The following SYCE1 variants were observed in gnomAD, a reference collection of about 807,000 sequenced individuals.
The protein encoded by SYCE1 is synaptonemal complex central element protein 1.
In SYCE1, 37 loss-of-function variants were observed where a neutral mutation model predicts 55.1. The ratio of observed to expected loss-of-function variants is 0.67; its 90% CI spans 0.52 to 0.88. The LOEUF is 0.88. SYCE1 is among the 40% of genes least tolerant of loss of function. The pLI is 0.00. For missense variants in SYCE1, 399 were observed against 416.4 expected, an observed-to-expected ratio of 0.96 and a Z score of 0.36; for synonymous variants, 163 against 159.4, an observed-to-expected ratio of 1.02 and a Z score of -0.17.
At chr10:133,568,183 C>T (rs1278727257), upstream of SYCE1, 5 of 1,036,342 alleles carry the variant, frequency 4.8e-6, no homozygotes, top group African/African-American at 3.0e-5. Context: ...CCGAAGTCCA[C>T]GTACAGTAGC....
Position 133,557,912 on chromosome 10 carries a change from A to AG in SYCE1, c.325dup (p.Leu109ProfsTer14). On this transcript the variant is annotated frameshift_variant, in exon 6 of 13. Coordinates refer to ENST00000343131, the MANE Select transcript of SYCE1 (RefSeq NM_001143764.3). LOFTEE classifies it high-confidence loss of function. ...CTGGCAATGCAGCCGGAGGATCCTC[A>AG]GGGTCTCTGTAGGGAGAGCAACAGG... 1 of 1,614,050 alleles carries AG rather than the reference A, an allele frequency of 6.2e-7. No individual in the cohort carries two copies. Among genetic ancestry groups the AG allele is most frequent in the South Asian group, 1.1e-5 (1 of 91,080 alleles).
intron 8 of SYCE1, 51 bp from the exon 9 acceptor site, chr10:133,556,098 C>G (rs774389763): frequency 5.6e-6 from 9 of 1,598,476 alleles, no homozygotes; most frequent in Non-Finnish European, 6.0e-6. Context: ...TCCCCCATGC[C>G]TCAAAGAAGG....
At position 133,555,380 on chromosome 10, in the gene SYCE1, G is replaced by T. The variant is rs745543380; in HGVS notation, c.889C>A (p.Gln297Lys). Reference protein sequence around the residue: ...MQVPAQAQSTQEEEAGPGDVA... With the variant: ...MQVPAQAQSTKEEEAGPGDVA... ...TCTCCTGGGCCAGCCTCTTCCTCTT[G>T]TGTGCTCTGGGCTTGGGCAGGGACT... Residue 297 changes from glutamine to lysine, a missense_variant, in exon 12 of 13, where the codon CAA becomes AAA. Physicochemically the swap from Gln to Lys is moderately conservative, Grantham distance 53. Transcript: ENST00000343131. 6.2e-7 allele frequency: 1 copy of T among 1,614,054 alleles called. No homozygotes were observed. Among genetic ancestry groups the T allele is most frequent in the South Asian group, 1.1e-5 (1 of 91,078 alleles).
chr10:133,557,257 T>A, intron 6 of SYCE1, 101 bp from the exon 7 acceptor site: 1 of 902,386 alleles, frequency 1.1e-6, no homozygotes, highest in Non-Finnish European at 1.8e-6. Flanking sequence ...TTTTTCCCTC[T>A]ACATTAAGGT....
chr10:133,555,144 T>G lies in SYCE1; in HGVS notation c.919-15A>C, dbSNP rs1482326620. On this transcript the variant is annotated splice_polypyrimidine_tract_variant and intron_variant, in intron 12 of 12. Transcript: ENST00000343131. ...TTGGGACTGGCCTGCAGGAGGTTAG[T>G]GTCCAGGGTGGGAATTTACACCCAT... The G allele has an allele frequency of 3.2e-6, 5 of 1,542,034 alleles. No individual in the cohort carries two copies. Among genetic ancestry groups the G allele is most frequent in the Non-Finnish European group, 4.4e-6 (5 of 1,143,444 alleles).
At chr10:133,555,273 C>A in intron 12 of SYCE1, 78 bp downstream of exon 12, 2 of 1,596,182 alleles carry the variant, frequency 1.3e-6, no homozygotes, top group East Asian at 4.5e-5. Flanking sequence ...CCCAGGACCC[C>A]CTCCCTTGTC....
At chr10:133,565,247 A>G (rs1301327296) in intron 1 of SYCE1, among the ~76,000 whole-genome samples, 3 of 152,222 alleles carry the variant, frequency 2.0e-5, no homozygotes, top group African/African-American at 7.2e-5. Flanking sequence ...TGGAGCAACT[A>G]TGATAACAGT....
intron 4 of SYCE1, chr10:133,558,655 G>A: frequency 1.8e-6 from 1 of 564,920 alleles, no homozygotes; most frequent in Non-Finnish European, 3.1e-6. Flanking sequence ...ATCTGAGGAA[G>A]CACAGACAGC....
intron 1 of SYCE1, among the ~76,000 whole-genome samples, chr10:133,564,611 A>G (rs1851883931): frequency 6.6e-6 from 1 of 152,200 alleles, no homozygotes; most frequent in Non-Finnish European, 1.5e-5. Flanking sequence ...TCATTTTGTA[A>G]GAACATGACA....
At chr10:133,559,809 G>A (rs979282375) in intron 2 of SYCE1, 1 of 469,948 alleles carries the variant, frequency 2.1e-6, no homozygotes, top group Non-Finnish European at 3.9e-6. Context: ...GGGAAGTGAA[G>A]GCGGCAACTT....
upstream of SYCE1, chr10:133,568,188 A>C: frequency 1.9e-6 from 2 of 1,050,414 alleles, no homozygotes; most frequent in Non-Finnish European, 2.9e-6. Flanking sequence ...GTCCACGTAC[A>C]GTAGCTGTAG....
rs1299570993 is a variant in SYCE1 at position 133,558,524 on chromosome 10, G to A, written c.272-310C>T. 9.3e-6 allele frequency: 5 copies of A among 537,464 alleles called. No individual in the cohort carries two copies. In the East Asian group the frequency reaches 1.6e-4, roughly 17 times the overall value. The allele number at this position is 537,464 out of a possible 1,614,324, so 33.3% of individuals were successfully genotyped here. On this transcript the variant is annotated intron_variant, in intron 4 of 12. Coordinates refer to ENST00000343131, the MANE Select transcript of SYCE1 (RefSeq NM_001143764.3). Reference sequence around the variant, plus strand: ...AAAGAAACACATCAAATAGGATGGGGCATGTGACCAGATGGAGGCAGGGTG... The same window carrying A: ...AAAGAAACACATCAAATAGGATGGGACATGTGACCAGATGGAGGCAGGGTG...
downstream of SYCE1, chr10:133,554,711 A>G (rs772541049): frequency 7.3e-6 from 6 of 827,372 alleles, no homozygotes; most frequent in Non-Finnish European, 1.2e-5. Context: ...AAATAATCAC[A>G]AGGTATGTGT....
chr10:133,554,773 C>G, downstream of SYCE1: 1 of 1,458,382 alleles, frequency 6.9e-7, no homozygotes, highest in Non-Finnish European at 9.2e-7. Context: ...GTGAGAGCGT[C>G]TCGGGCCTGC....
chr10:133,556,071 T>C (rs2133615153), intron 8 of SYCE1, 24 bp from the exon 9 acceptor site: 2 of 1,611,200 alleles, frequency 1.2e-6, no homozygotes, highest in South Asian at 2.2e-5. Context: ...AAGAGGCCTG[T>C]CCACTCCTCT....
At chr10:133,554,642 ATTTTTT>A (rs201198747), downstream of SYCE1, 1 of 679,750 alleles carries the variant, frequency 1.5e-6, no homozygotes, top group African/African-American at 1.8e-5. Flanking sequence ...CTCATTTTTA[ATTTTTT>A]TTTTAATTTC....
intron 6 of SYCE1, chr10:133,557,495 C>G (rs1166831583): frequency 4.2e-6 from 2 of 479,128 alleles, no homozygotes; most frequent in Admixed American, 7.0e-5. Context: ...ATGGACAAAT[C>G]GATGGGTGGA....
At chr10:133,554,821 A>C (rs2149617), downstream of SYCE1, 153,629 of 1,450,236 alleles carry the variant, frequency 0.11, 9,377 homozygotes, top group East Asian at 0.26. Flanking sequence ...GCTGGCAGGT[A>C]CCAGAGATGA....
chr10:133,565,548 C>G lies in SYCE1; in HGVS notation c.-19G>C. ...CCGCCATTTCCTCTCAGCTCGCCAG[C>G]GAGGGTGCCTCGGGAGGGAGCCTCC... is the stretch of plus-strand genomic sequence containing the variant. On this transcript the variant is annotated 5_prime_UTR_variant, in exon 1 of 13. Coordinates refer to ENST00000343131, the MANE Select transcript of SYCE1 (RefSeq NM_001143764.3). 1 of 1,548,414 alleles carries G rather than the reference C, an allele frequency of 6.5e-7. No individual in the cohort carries two copies. Among genetic ancestry groups the G allele is most frequent in the Non-Finnish European group, 8.7e-7 (1 of 1,146,428 alleles).
Sources: gnomAD v4.1 joint callset for allele counts (sites outside exome capture counted in the v4.1 genomes callset) on GRCh38, gnomAD v4.1.1 for gene constraint, MANE v1.5 for transcripts, NCBI Gene and HGNC (gene_info 2026-07-23, HGNC 2026-07-21) for gene names.